Variants in CDC14B observed in about 807,000 individuals in gnomAD.
The protein encoded by CDC14B is dual specificity protein phosphatase CDC14B.
In CDC14B, 22 loss-of-function variants were observed where a neutral mutation model predicts 64.2. The observed-to-expected ratio is 0.34, with a 90% CI of 0.24 to 0.49. CDC14B has a LOEUF of 0.49. CDC14B is among the 20% of genes least tolerant of loss of function. The pLI is 0.99. For synonymous variants in CDC14B, 191 were observed against 215.8 expected (o/e 0.89, Z 1.01); for missense variants, 498 against 629.9 (o/e 0.79, Z 2.24).
intron 1 of CDC14B, among the ~76,000 whole-genome samples, chr9:96,614,605 C>T (rs1390549202): frequency 6.6e-6 from 1 of 151,234 alleles, no homozygotes; most frequent in African/African-American, 2.4e-5. Flanking sequence ...ATTTTTTTTT[C>T]CTGAGGAAAG....
chr9:96,600,965 T>C (rs753578448), intron 1 of CDC14B, among the ~76,000 whole-genome samples: 13 of 152,128 alleles, frequency 8.5e-5, no homozygotes, highest in Non-Finnish European at 1.9e-4. Context: ...TATGCAACCA[T>C]ATAATGGAAC....
At chr9:96,541,216 G>A (rs370835063) in intron 6 of CDC14B, among the ~76,000 whole-genome samples, 3 of 152,240 alleles carry the variant, frequency 2.0e-5, no homozygotes, top group Non-Finnish European at 2.9e-5. Flanking sequence ...CCCTGTTCAC[G>A]TAGAACGTGA....
At chr9:96,499,952 G>A (rs536842260), downstream of CDC14B, among the ~76,000 whole-genome samples, 1 of 152,358 alleles carries the variant, frequency 6.6e-6, no homozygotes, top group East Asian at 1.9e-4. Flanking sequence ...CCAGAACTGT[G>A]AGGAAATGAA....
At chr9:96,590,212 G>A (rs1255221279) in intron 1 of CDC14B, among the ~76,000 whole-genome samples, 1 of 152,114 alleles carries the variant, frequency 6.6e-6, no homozygotes, top group Non-Finnish European at 1.5e-5. Context: ...GACTACTTTA[G>A]ATACCCTATA....
At chr9:96,524,584 C>T (rs566486697) in intron 9 of CDC14B, among the ~76,000 whole-genome samples, 1 of 152,046 alleles carries the variant, frequency 6.6e-6, no homozygotes, top group East Asian at 1.9e-4. Context: ...ATGTGTCAAT[C>T]CGGAATGAAT....
chr9:96,580,925 A>G (rs1280033207), intron 1 of CDC14B, among the ~76,000 whole-genome samples: 1 of 152,204 alleles, frequency 6.6e-6, no homozygotes, highest in East Asian at 1.9e-4. Context: ...AGGTAAATTT[A>G]TATGTATAAA....
chr9:96,581,344 C>T (rs1418002724), intron 1 of CDC14B, among the ~76,000 whole-genome samples: 1 of 151,964 alleles, frequency 6.6e-6, no homozygotes, highest in Non-Finnish European at 1.5e-5. Context: ...CGGCTCATGC[C>T]TATAGTCCCA....
chr9:96,603,155 GACACACAC>G (rs5899295), intron 1 of CDC14B, among the ~76,000 whole-genome samples: 2,137 of 138,136 alleles, frequency 0.015, 39 homozygotes, highest in African/African-American at 0.052. Context: ...GATAGAAACG[GACACACAC>G]ACACACACAC....
intron 4 of CDC14B, among the ~76,000 whole-genome samples, chr9:96,561,280 C>A (rs1158897212): frequency 7.2e-5 from 11 of 152,098 alleles, no homozygotes; most frequent in Admixed American, 7.2e-4. Flanking sequence ...AATGATATAC[C>A]TTATACATAA....
At chr9:96,529,980 A>G (rs944810673) in intron 9 of CDC14B, among the ~76,000 whole-genome samples, 1 of 152,164 alleles carries the variant, frequency 6.6e-6, no homozygotes, top group Non-Finnish European at 1.5e-5. Context: ...CAATACTGAC[A>G]TGTTAACAAT....
At chr9:96,587,989 T>C (rs1845555569) in intron 1 of CDC14B, among the ~76,000 whole-genome samples, 1 of 152,116 alleles carries the variant, frequency 6.6e-6, no homozygotes, top group Non-Finnish European at 1.5e-5. Context: ...TTATACGATA[T>C]GGCTTTCAAG....
chr9:96,616,896 T>G (rs1230637176), intron 1 of CDC14B, among the ~76,000 whole-genome samples: 1 of 152,122 alleles, frequency 6.6e-6, no homozygotes, highest in Non-Finnish European at 1.5e-5. Flanking sequence ...CAATAAAAAG[T>G]AATCTGAACT....
chr9:96,587,688 T>G (rs1352387626), intron 1 of CDC14B, among the ~76,000 whole-genome samples: 9 of 152,208 alleles, frequency 5.9e-5, no homozygotes, highest in Admixed American at 5.9e-4. Context: ...ACATAGGTCT[T>G]AGCACCCTTA....
At chr9:96,531,172 G>A (rs977730130) in intron 9 of CDC14B, among the ~76,000 whole-genome samples, 1 of 152,170 alleles carries the variant, frequency 6.6e-6, no homozygotes, top group African/African-American at 2.4e-5. Context: ...GAGTTAGAAA[G>A]TGTTCCTTTT....
intron 2 of CDC14B, among the ~76,000 whole-genome samples, 187 bp from the exon 3 acceptor site, chr9:96,565,039 G>T (rs776691843): frequency 1.4e-4 from 21 of 152,114 alleles, no homozygotes; most frequent in Admixed American, 3.9e-4. Flanking sequence ...ACTTAAAAAT[G>T]CCACAAGTGC....
chr9:96,499,657 C>A (rs1481383167), downstream of CDC14B, among the ~76,000 whole-genome samples: 1 of 152,232 alleles, frequency 6.6e-6, no homozygotes, highest in Non-Finnish European at 1.5e-5. Context: ...GCTGGACTAA[C>A]TTCCAGATTC....
At chr9:96,606,383 A>C (rs958090721) in intron 1 of CDC14B, among the ~76,000 whole-genome samples, 1 of 150,402 alleles carries the variant, frequency 6.6e-6, no homozygotes, top group Admixed American at 6.7e-5. Flanking sequence ...CTCTGAAATC[A>C]TTTTAAACTA....
At chr9:96,566,987 C>A in intron 1 of CDC14B, 1 of 1,436,148 alleles carries the variant, frequency 7.0e-7, no homozygotes, top group South Asian at 1.5e-5. Context: ...GACAGCGCAA[C>A]CCCGGAAGTC....
At chr9:96,565,189 A>G (rs577692285) in intron 2 of CDC14B, among the ~76,000 whole-genome samples, 22 of 152,082 alleles carry the variant, frequency 1.4e-4, no homozygotes, top group African/African-American at 5.3e-4. Flanking sequence ...TGTAAATATT[A>G]GACTAGCAAA....
Sources: allele counts gnomAD v4.1 joint callset (sites outside exome capture counted in the v4.1 genomes callset), GRCh38; gene constraint gnomAD v4.1.1; transcripts MANE v1.5; gene names NCBI Gene and HGNC (gene_info 2026-07-23, HGNC 2026-07-21).